Variants in PXK observed in about 807,000 individuals in gnomAD.
PXK encodes the protein PX domain containing serine/threonine kinase like, also known as PX domain-containing protein kinase-like protein.
Under a neutral mutation model 84.7 loss-of-function variants are expected in PXK, and 35 were observed. That is an observed-to-expected ratio of 0.41 (90% confidence interval 0.32 to 0.55). The LOEUF (loss-of-function observed/expected upper bound fraction) is 0.55. Ranked by LOEUF, PXK falls within the 20% of genes least tolerant of loss-of-function variation. PXK has a pLI of 0.21. For missense variants in PXK, 634 were observed against 699.7 expected (o/e 0.91, Z 1.06); for synonymous variants, 253 against 260.8 (o/e 0.97, Z 0.29).
At position 58,385,714 on chromosome 3, in the gene PXK, G is replaced by A. The variant is rs141402327; in HGVS notation, c.388+3014G>A. ...GGGTTTCACTATGTTGACTAGGCTG[G>A]TCTCAAACTCTTGAGCTCAAATGAT... On this transcript the variant is annotated intron_variant, in intron 4 of 17. Coordinates refer to ENST00000356151, the MANE Select transcript of PXK (RefSeq NM_017771.5). The surrounding 1 kb of genome is among the most constrained non-coding windows in gnomAD (Gnocchi z 5.1). 1.3e-5 allele frequency among the ~76,000 whole-genome samples: 2 copies of A among 152,272 alleles called. No homozygotes were observed. Among genetic ancestry groups the A allele is most frequent in the African/African-American group, 2.4e-5 (1 of 41,552 alleles).
intron 1 of PXK, among the ~76,000 whole-genome samples, chr3:58,357,501 TAGA>T (rs1010172005): frequency 6.6e-6 from 1 of 152,144 alleles, no homozygotes; most frequent in Non-Finnish European, 1.5e-5. Context: ...CATTTCTAAG[TAGA>T]AGGAGTATAC....
chr3:58,361,142 C>A (rs1429223646), intron 1 of PXK, among the ~76,000 whole-genome samples: 1 of 151,430 alleles, frequency 6.6e-6, no homozygotes, highest in Non-Finnish European at 1.5e-5. Flanking sequence ...ACTAAAAATA[C>A]AAAAATTAGC....
In PXK at chr3:58,397,556, C is replaced by T. The variant is rs536565875; in HGVS notation, c.985-49C>T. On this transcript the variant is annotated intron_variant, in intron 10 of 17. Transcript: ENST00000356151. This position sits in a 1 kb window ranked among gnomAD's most constrained non-coding sequence, Gnocchi z 4.7. ...GCCTTGGGGCAGGAGCGCGAGGGTCCACAAAGCCAAAGTGAAGGGTGAACA... is the reference window on the plus strand; with the variant it reads ...GCCTTGGGGCAGGAGCGCGAGGGTCTACAAAGCCAAAGTGAAGGGTGAACA... 4.6e-6 allele frequency: 7 copies of T among 1,505,982 alleles called. No homozygotes were observed. In the African/African-American group the frequency reaches 6.9e-5, roughly 15 times the overall value. 93.3% of individuals were successfully genotyped at this position (1,505,982 alleles called of 1,614,324 possible).
rs923689086 is a variant in PXK, at chr3:58,421,698, T to C, written c.1529-3054T>C. On this transcript the variant is annotated intron_variant, in intron 17 of 17. Transcript: ENST00000356151. The surrounding 1 kb of genome is among the most constrained non-coding windows in gnomAD (Gnocchi z 5.5). ...CCTACGCTCTCCCTGCAGCATTCTC[T>C]GCCCTCTGACAGGGCCTCTGCTGGA... is the stretch of plus-strand genomic sequence containing the variant. 1.0e-6 allele frequency: 1 copy of C among 985,458 alleles called. No homozygotes were observed. The highest frequency in any genetic ancestry group is 1.2e-6 in the Non-Finnish European group (1 of 829,932). The allele number at this position is 985,458 out of a possible 1,614,324, so 61.0% of individuals were successfully genotyped here. A position where few individuals can be genotyped will look rare whatever the true frequency, so the allele number is the denominator to read the frequency against.
intron 1 of PXK, among the ~76,000 whole-genome samples, chr3:58,349,564 C>T (rs1201123554): frequency 6.6e-6 from 1 of 151,982 alleles, no homozygotes; most frequent in African/African-American, 2.4e-5. Flanking sequence ...CCATGTTGGC[C>T]AGGCTGGTCT....
chr3:58,391,714 A>G (rs751533392), intron 6 of PXK, 59 bp from the exon 7 acceptor site: 1 of 1,435,556 alleles, frequency 7.0e-7, no homozygotes, highest in African/African-American at 1.4e-5. Context: ...AGGGAAAGAC[A>G]AGGAATTTTT....
At chr3:58,377,523 C>T (rs1281752413) in intron 3 of PXK, among the ~76,000 whole-genome samples, 2 of 151,546 alleles carry the variant, frequency 1.3e-5, no homozygotes, top group African/African-American at 4.9e-5. Flanking sequence ...ACTCACAGTC[C>T]CAGCTACTCG....
chr3:58,354,447 A>AAT lies in PXK; in HGVS notation c.103-11427_103-11426insAT, dbSNP rs1559898591. ...TTTTTGTGGTGTGGAGCTGCTTCCT[A>AAT]GTTTTTTTTTTTTTTTTGAGACTGA... On this transcript the variant is annotated intron_variant, in intron 1 of 17. Transcript: ENST00000356151. Among the ~76,000 whole-genome samples the AAT allele has an allele frequency of 6.2e-3, 880 of 141,288 alleles. 14 individuals are homozygous for AAT. Among genetic ancestry groups the AAT allele is most frequent in the African/African-American group, 0.023 (826 of 36,710 alleles). 92.7% of individuals were successfully genotyped at this position (141,288 alleles called of 152,430 possible). A position where few individuals can be genotyped will look rare whatever the true frequency, so the allele number is the denominator to read the frequency against.
chr3:58,421,159 A>T lies in PXK; in HGVS notation c.1529-3593A>T. The T allele has an allele frequency of 2.2e-5, 22 of 985,346 alleles. No homozygotes were observed. Among genetic ancestry groups the T allele is most frequent in the Non-Finnish European group, 2.5e-5 (21 of 829,918 alleles). 61.0% of individuals were successfully genotyped at this position (985,346 alleles called of 1,614,324 possible). A position where few individuals can be genotyped will look rare whatever the true frequency, so the allele number is the denominator to read the frequency against. On this transcript the variant is annotated intron_variant, in intron 17 of 17. Coordinates refer to ENST00000356151, the MANE Select transcript of PXK (RefSeq NM_017771.5). The surrounding 1 kb of genome is among the most constrained non-coding windows in gnomAD (Gnocchi z 5.5). ...GGTTCTCTCCTGAGGGTGGCTGGTA[A>T]GTCTGGTGTTACCCTAGTGTGGTCT... is the stretch of plus-strand genomic sequence containing the variant.
rs952768681 is a variant in PXK, at chr3:58,373,970, A to G, written c.201+4492A>G. Among the ~76,000 whole-genome samples, 20 of 149,148 alleles carry G rather than the reference A, an allele frequency of 1.3e-4. No individual in the cohort carries two copies. The East Asian group carries it at 2.7e-3, about 20-fold the overall frequency. ...TGAGGCAGGAGAATGGCGTGAACCCAGGAGGTGGAGCTTGCAGTGAGCCGA... is the reference window on the plus strand; with the variant it reads ...TGAGGCAGGAGAATGGCGTGAACCCGGGAGGTGGAGCTTGCAGTGAGCCGA... On this transcript the variant is annotated intron_variant, in intron 3 of 17. Coordinates refer to ENST00000356151, the MANE Select transcript of PXK (RefSeq NM_017771.5).
intron 2 of PXK, among the ~76,000 whole-genome samples, chr3:58,369,183 C>G (rs557510152): frequency 2.0e-5 from 3 of 152,300 alleles, no homozygotes; most frequent in African/African-American, 7.2e-5. Context: ...TCACTTATCT[C>G]TTGGCATCTT....
chr3:58,365,293 G>C (rs2098253710), intron 1 of PXK, among the ~76,000 whole-genome samples: 4 of 151,974 alleles, frequency 2.6e-5, no homozygotes, highest in Admixed American at 2.6e-4. Flanking sequence ...GAACTGTGTT[G>C]TTTAGTTTCC....
At chr3:58,356,150 A>C (rs147196686) in intron 1 of PXK, among the ~76,000 whole-genome samples, 157 of 152,128 alleles carry the variant, frequency 1.0e-3, no homozygotes, top group African/African-American at 3.4e-3. Flanking sequence ...AGTTTGAAAA[A>C]CTTCAGCACC....
At chr3:58,336,486 A>G (rs1379020625) in intron 1 of PXK, among the ~76,000 whole-genome samples, 2 of 152,198 alleles carry the variant, frequency 1.3e-5, no homozygotes, top group East Asian at 1.9e-4. Flanking sequence ...CTATAAAATC[A>G]GAAAGGCTAG....
intron 1 of PXK, among the ~76,000 whole-genome samples, chr3:58,356,093 C>T (rs576976717): frequency 2.0e-5 from 3 of 152,188 alleles, no homozygotes; most frequent in Non-Finnish European, 4.4e-5. Context: ...TCTTTTCCTC[C>T]CTCACTTAAG....
At chr3:58,347,141 A>G (rs918192536) in intron 1 of PXK, among the ~76,000 whole-genome samples, 4 of 151,806 alleles carry the variant, frequency 2.6e-5, no homozygotes, top group Non-Finnish European at 5.9e-5. Flanking sequence ...GTGCCCGGCC[A>G]TGTTCATTTT....
intron 2 of PXK, among the ~76,000 whole-genome samples, chr3:58,366,603 C>T (rs1218347996): frequency 6.6e-6 from 1 of 152,214 alleles, no homozygotes; most frequent in Non-Finnish European, 1.5e-5. Flanking sequence ...TTCTCCTTCA[C>T]AGCCCAGCTC....
At chr3:58,402,783 G>A (rs1435879478) in intron 12 of PXK, among the ~76,000 whole-genome samples, 2 of 149,064 alleles carry the variant, frequency 1.3e-5, no homozygotes, top group African/African-American at 4.9e-5. Context: ...GGTCACATGG[G>A]TAATTTTAAA....
At chr3:58,423,446 ATTCT>A (rs2107853039) in intron 17 of PXK, 2 of 1,526,758 alleles carry the variant, frequency 1.3e-6, no homozygotes, top group Non-Finnish European at 1.8e-6. Flanking sequence ...TATTTGTGTG[ATTCT>A]TTAATTTCAG....
Sources: gnomAD v4.1 joint callset for allele counts (sites outside exome capture counted in the v4.1 genomes callset) on GRCh38, gnomAD v4.1.1 for gene constraint, Gnocchi (gnomAD v3.1) non-coding constraint, MANE v1.5 for transcripts, NCBI Gene and HGNC (gene_info 2026-07-23, HGNC 2026-07-21) for gene names.